The following MAGI2 variants were observed in gnomAD, a reference collection of about 807,000 sequenced individuals.
The protein encoded by MAGI2 is membrane associated guanylate kinase, WW and PDZ domain containing 2.
Under a neutral mutation model 133.3 loss-of-function variants are expected in MAGI2, and 35 were observed. The ratio of observed to expected loss-of-function variants is 0.26; its 90% CI spans 0.20 to 0.35. The LOEUF (loss-of-function observed/expected upper bound fraction) is 0.35. MAGI2 is among the 10% of genes least tolerant of loss of function. The probability of loss-of-function intolerance (pLI) is 1.00; values close to 1 mark genes in which losing one functional copy is unlikely to be tolerated. For missense variants in MAGI2, 1,636 were observed against 1,863.4 expected (o/e 0.88, Z 2.25); for synonymous variants, 729 against 710.6 (o/e 1.03, Z -0.41).
intron 2 of MAGI2, among the ~76,000 whole-genome samples, chr7:78,881,729 G>T (rs1795855376): frequency 6.6e-6 from 1 of 151,710 alleles, no homozygotes; most frequent in African/African-American, 2.4e-5. Flanking sequence ...TTAAAGCAGA[G>T]ATCAAAAAAT....
intron 21 of MAGI2, among the ~76,000 whole-genome samples, chr7:78,035,863 A>C (rs1810164460): frequency 6.6e-6 from 1 of 152,150 alleles, no homozygotes; most frequent in African/African-American, 2.4e-5. Context: ...CCTTGAAGAC[A>C]GAAACTGTAT....
At position 79,229,911 on chromosome 7, in the gene MAGI2, A is replaced by G. The variant is rs369139493; in HGVS notation, c.302-222705T>C. Among the ~76,000 whole-genome samples, 6 of 149,188 alleles carry G rather than the reference A, an allele frequency of 4.0e-5. No homozygotes were observed. In the East Asian group the frequency reaches 8.2e-4, roughly 20 times the overall value. On this transcript the variant is annotated intron_variant, in intron 1 of 21. Transcript: ENST00000354212. ...TGCACCCACTAAATCATCATCTAGC[A>G]TTAGGTATATCTCCCAATGCTATCC... is the stretch of plus-strand genomic sequence containing the variant.
At chr7:78,526,597 A>G (rs1796973818) in intron 3 of MAGI2, among the ~76,000 whole-genome samples, 1 of 152,230 alleles carries the variant, frequency 6.6e-6, no homozygotes, top group Admixed American at 6.5e-5. Flanking sequence ...ATAAGAGAGA[A>G]AGTCATTTCA....
At chr7:79,213,247 TGG>T (rs1829662224) in intron 1 of MAGI2, among the ~76,000 whole-genome samples, 2 of 140,358 alleles carry the variant, frequency 1.4e-5, no homozygotes, top group African/African-American at 2.6e-5. Flanking sequence ...TGTATATATG[TGG>T]GTGTGTATAT....
intron 2 of MAGI2, among the ~76,000 whole-genome samples, chr7:78,830,454 G>A (rs977947420): frequency 1.3e-5 from 2 of 151,788 alleles, no homozygotes; most frequent in Non-Finnish European, 2.9e-5. Context: ...TGTTCCCCTT[G>A]TAGTACTATC....
intron 4 of MAGI2, among the ~76,000 whole-genome samples, chr7:78,514,985 G>GT (rs1795919927): frequency 6.6e-6 from 1 of 152,164 alleles, no homozygotes. Context: ...CATGGGCCCT[G>GT]TTCCTCTTGG....
In MAGI2 at chr7:78,392,099, C is replaced by G. The variant is rs191503621; in HGVS notation, c.1046-22886G>C. 2.5e-3 allele frequency among the ~76,000 whole-genome samples: 374 copies of G among 152,234 alleles called. 1 individual carries two copies. The highest frequency in any genetic ancestry group is 8.5e-3 in the African/African-American group (354 of 41,550). ...GACAGAAGGGATACAAGAGAAGATA[C>G]GATCCTTGCCTCAAACACTTTACCA... is the stretch of plus-strand genomic sequence containing the variant. On this transcript the variant is annotated intron_variant, in intron 6 of 21. Transcript: ENST00000354212.
At chr7:78,694,792 G>A (rs1817329287) in intron 2 of MAGI2, among the ~76,000 whole-genome samples, 1 of 152,150 alleles carries the variant, frequency 6.6e-6, no homozygotes, top group East Asian at 1.9e-4. Flanking sequence ...ATATCTACCT[G>A]TTATTGCAAT....
At chr7:78,530,548 G>A (rs1797375034) in intron 3 of MAGI2, among the ~76,000 whole-genome samples, 1 of 152,144 alleles carries the variant, frequency 6.6e-6, no homozygotes, top group Admixed American at 6.5e-5. Context: ...CTCACAGACA[G>A]AGGGATTGTT....
At chr7:79,255,036 T>G (rs1293958492) in intron 1 of MAGI2, among the ~76,000 whole-genome samples, 1 of 152,192 alleles carries the variant, frequency 6.6e-6, no homozygotes, top group Admixed American at 6.5e-5. Flanking sequence ...CTTTAATACT[T>G]CTCAAATTAT....
intron 1 of MAGI2, among the ~76,000 whole-genome samples, chr7:79,392,620 C>CT (rs1158596720): frequency 2.0e-5 from 3 of 152,136 alleles, no homozygotes; most frequent in African/African-American, 7.2e-5. Context: ...TGATGATTAG[C>CT]TTTTTTTCAT....
At chr7:78,446,052 T>TTG (rs539734331) in intron 6 of MAGI2, among the ~76,000 whole-genome samples, 9 of 151,614 alleles carry the variant, frequency 5.9e-5, no homozygotes, top group African/African-American at 1.7e-4. Context: ...TTCTTTTGTC[T>TTG]TGTAATTTCG....
chr7:79,132,691 A>G (rs1321738335), intron 1 of MAGI2, among the ~76,000 whole-genome samples: 1 of 152,082 alleles, frequency 6.6e-6, no homozygotes, highest in East Asian at 1.9e-4. Flanking sequence ...TAGTGGATCT[A>G]CTTTTAGCTC....
chr7:79,188,640 C>G (rs891762755), intron 1 of MAGI2, among the ~76,000 whole-genome samples: 4 of 151,774 alleles, frequency 2.6e-5, no homozygotes, highest in African/African-American at 9.7e-5. Flanking sequence ...ATATAATAAA[C>G]AATCACTGAG....
chr7:78,547,400 G>A (rs1341616172), intron 3 of MAGI2, among the ~76,000 whole-genome samples: 1 of 152,234 alleles, frequency 6.6e-6, no homozygotes, highest in Non-Finnish European at 1.5e-5. Flanking sequence ...AAGAAATATG[G>A]CAGGTTCGCT....
chr7:78,169,095 T>G (rs1396009888), intron 14 of MAGI2, among the ~76,000 whole-genome samples: 1 of 152,240 alleles, frequency 6.6e-6, no homozygotes, highest in Non-Finnish European at 1.5e-5. Context: ...TATAATTCCC[T>G]GAACCAGGGA....
chr7:78,499,247 C>T (rs935032183), intron 5 of MAGI2, among the ~76,000 whole-genome samples: 2 of 152,176 alleles, frequency 1.3e-5, no homozygotes, highest in Non-Finnish European at 2.9e-5. Context: ...GCTCCCATAC[C>T]TGGAATGCTC....
At chr7:79,271,928 TC>T (rs1378951497) in intron 1 of MAGI2, among the ~76,000 whole-genome samples, 1 of 152,192 alleles carries the variant, frequency 6.6e-6, no homozygotes, top group East Asian at 1.9e-4. Flanking sequence ...TGAGATGGGG[TC>T]ATGGCACTGG....
intron 13 of MAGI2, among the ~76,000 whole-genome samples, chr7:78,183,123 T>G (rs1375079875): frequency 1.3e-5 from 2 of 152,182 alleles, no homozygotes; most frequent in Non-Finnish European, 2.9e-5. Context: ...CCTAAGGATC[T>G]TATGCAGGTA....
Sources: allele counts gnomAD v4.1 joint callset (sites outside exome capture counted in the v4.1 genomes callset), GRCh38; gene constraint gnomAD v4.1.1; transcripts MANE v1.5; gene names NCBI Gene and HGNC (gene_info 2026-07-23, HGNC 2026-07-21).